Variants in HKDC1 observed in about 807,000 individuals in gnomAD.
The protein encoded by HKDC1 is hexokinase HKDC1.
Under a neutral mutation model 96.6 loss-of-function variants are expected in HKDC1, and 66 were observed. The ratio of observed to expected loss-of-function variants is 0.68; its 90% CI spans 0.56 to 0.84. The LOEUF (loss-of-function observed/expected upper bound fraction) is 0.84, where lower values mean the gene tolerates loss of function less well. Ranked by LOEUF, HKDC1 falls within the 40% of genes least tolerant of loss-of-function variation. The pLI is 0.00. For synonymous variants in HKDC1, 466 were observed against 473.1 expected, an observed-to-expected ratio of 0.98 and a Z score of 0.20; for missense variants, 1,211 against 1,208.1, an observed-to-expected ratio of 1.00 and a Z score of -0.04.
Position 69,248,578 on chromosome 10 carries a change from C to T in HKDC1, c.1420C>T (p.Leu474=). The change falls in exon 10 of 18, where the codon CTG becomes TTG. Residue 474 remains leucine (L), a synonymous_variant. Transcript: ENST00000354624. ...QAQRKQIDRV[L]ALFQLTREQL... ...CCAGCGGAAGCAGATCGACAGGGTG[C>T]TGGCTTTGTTCCAGCTGACCCGAGA... 1 of 1,614,128 alleles carries T rather than the reference C, an allele frequency of 6.2e-7. No homozygotes were observed. The highest frequency in any genetic ancestry group is 8.5e-7 in the Non-Finnish European group (1 of 1,180,030).
At chr10:69,243,147 C>T in intron 6 of HKDC1, 35 bp from the exon 7 acceptor site, 1 of 1,609,114 alleles carries the variant, frequency 6.2e-7, no homozygotes, top group Admixed American at 1.7e-5. Context: ...GCTGGGAGTC[C>T]TCTCTCTGCA....
At position 69,246,230 on chromosome 10, in the gene HKDC1, G is replaced by A. The variant is rs1843539754; in HGVS notation, c.1027G>A (p.Glu343Lys). Residue 343 changes from glutamate to lysine, a missense_variant, in exon 8 of 18, where the codon GAG becomes AAG. Physicochemically the swap from Glu to Lys is moderately conservative, Grantham distance 56. Coordinates refer to ENST00000354624, the MANE Select transcript of HKDC1 (RefSeq NM_025130.4). ...KIETRHVAAM[E>K]KYKEGLANTR... ...CGAAACACGGCACGTGGCTGCCATGGAGAAGTAAGCAAGTCCCTCTGCCTT... is the reference window on the plus strand; with the variant it reads ...CGAAACACGGCACGTGGCTGCCATGAAGAAGTAAGCAAGTCCCTCTGCCTT... 6.2e-7 allele frequency: 1 copy of A among 1,613,562 alleles called. No individual in the cohort carries two copies. The highest frequency in any genetic ancestry group is 8.5e-7 in the Non-Finnish European group (1 of 1,179,958).
chr10:69,233,897 C>CA (rs1442651608), intron 4 of HKDC1, among the ~76,000 whole-genome samples: 10 of 61,460 alleles, frequency 1.6e-4, no homozygotes, highest in Admixed American at 7.0e-4. Context: ...GACTCCGTCT[C>CA]AAAAAAAAAA....
intron 4 of HKDC1, among the ~76,000 whole-genome samples, chr10:69,234,280 T>C (rs2132342145): frequency 6.6e-6 from 1 of 152,316 alleles, no homozygotes; most frequent in East Asian, 1.9e-4. Context: ...CACTTATTGG[T>C]GTGGAATAGT....
chr10:69,250,685 C>A (rs1234324075), intron 12 of HKDC1, 33 bp downstream of exon 12: 26 of 1,609,532 alleles, frequency 1.6e-5, no homozygotes, highest in Non-Finnish European at 2.1e-5. Context: ...ACGGCCAGCC[C>A]AGTGGGCTTC....
chr10:69,264,298 T>C (rs958164433), intron 16 of HKDC1, among the ~76,000 whole-genome samples: 2 of 150,896 alleles, frequency 1.3e-5, no homozygotes, highest in Admixed American at 6.6e-5. Flanking sequence ...CATCATACAG[T>C]GCATAGTATT....
rs946922453 is a variant in HKDC1, at chr10:69,246,044, G to C, written c.876-35G>C. 3.1e-6 allele frequency: 5 copies of C among 1,606,472 alleles called. No homozygotes were observed. The African/African-American group carries it at 6.7e-5, about 21-fold the overall frequency. On this transcript the variant is annotated intron_variant, in intron 7 of 17. Transcript: ENST00000354624. ...GGGAAATGATGCAGCTTAATCAAAGGGGCTGCGTCCACAGATCTGTTCACC... is the reference window on the plus strand; with the variant it reads ...GGGAAATGATGCAGCTTAATCAAAGCGGCTGCGTCCACAGATCTGTTCACC...
In HKDC1 at chr10:69,246,198, G is replaced by A. The variant is rs1447178533; in HGVS notation, c.995G>A (p.Gly332Asp). 6.2e-7 allele frequency: 1 copy of A among 1,614,074 alleles called. No homozygotes were observed. The highest frequency in any genetic ancestry group is 8.5e-7 in the Non-Finnish European group (1 of 1,180,048). ...GEKSSALHTK[G>D]KIETRHVAAM... ...AAATCTTCTGCTCTCCACACTAAGG[G>A]CAAGATCGAAACACGGCACGTGGCT... The change falls in exon 8 of 18, where the codon GGC (glycine) becomes GAC (aspartate). Residue 332 changes from glycine (G) to aspartate (D), a missense_variant. Physicochemically the swap from Gly to Asp is moderately conservative, Grantham distance 94 (BLOSUM62 -1). Transcript: ENST00000354624.
chr10:69,265,589 C>G lies in HKDC1; in HGVS notation c.2377C>G (p.Arg793Gly), dbSNP rs140614647. The change falls in exon 17 of 18, where the codon CGG becomes GGG. Residue 793 changes from arginine (R) to glycine (G), a missense_variant. Arg to Gly is a moderately radical substitution (Grantham distance 125). Coordinates refer to ENST00000354624, the MANE Select transcript of HKDC1 (RefSeq NM_025130.4). Reference sequence around the variant, plus strand: ...TCCCTGCTCTATTGCCTGCAGCGATCGGCTGGCCCTTCTCCAGGTCAGGAG... The same window carrying G: ...TCCCTGCTCTATTGCCTGCAGCGATGGGCTGGCCCTTCTCCAGGTCAGGAG... ...TKFLSQIESDRLALLQVRRIL... is the reference protein window; with the variant it reads ...TKFLSQIESDGLALLQVRRIL... The G allele has an allele frequency of 3.7e-6, 6 of 1,613,336 alleles. No individual in the cohort carries two copies. Among genetic ancestry groups the G allele is most frequent in the Non-Finnish European group, 5.1e-6 (6 of 1,179,806 alleles).
intron 12 of HKDC1, among the ~76,000 whole-genome samples, chr10:69,251,885 G>GAGT (rs1288928304): frequency 6.6e-6 from 1 of 151,080 alleles, no homozygotes; most frequent in Non-Finnish European, 1.5e-5. Flanking sequence ...TCAGTCTCCC[G>GAGT]AGTAGCTTGG....
intron 2 of HKDC1, 40 bp from the exon 3 acceptor site, chr10:69,232,724 A>C: frequency 1.3e-6 from 2 of 1,590,320 alleles, no homozygotes; most frequent in South Asian, 2.2e-5. Flanking sequence ...TATCTGTAGT[A>C]GACCCTCAAT....
At chr10:69,239,187 C>T in intron 5 of HKDC1, 50 bp downstream of exon 5, 1 of 1,448,016 alleles carries the variant, frequency 6.9e-7, no homozygotes. Flanking sequence ...TAGCTCCTTT[C>T]TCTTGGGTTG....
intron 7 of HKDC1, among the ~76,000 whole-genome samples, chr10:69,243,980 C>A (rs756920564): frequency 2.0e-5 from 3 of 152,026 alleles, no homozygotes; most frequent in Non-Finnish European, 4.4e-5. Flanking sequence ...AGCACTCGGA[C>A]GCTTGGCCGC....
chr10:69,256,225 C>T (rs1219184250), intron 12 of HKDC1, among the ~76,000 whole-genome samples: 4 of 152,230 alleles, frequency 2.6e-5, no homozygotes, highest in African/African-American at 9.6e-5. Context: ...CTTTCTCTCA[C>T]ATCAAATGTT....
At chr10:69,237,644 C>T (rs193237943) in intron 4 of HKDC1, among the ~76,000 whole-genome samples, 1 of 152,330 alleles carries the variant, frequency 6.6e-6, no homozygotes, top group African/African-American at 2.4e-5. Context: ...CATCCACCTT[C>T]CCTGCAACAG....
chr10:69,233,897 C>CCAAAAAAAAA (rs1843318753), intron 4 of HKDC1, among the ~76,000 whole-genome samples: 1 of 61,488 alleles, frequency 1.6e-5, no homozygotes, highest in East Asian at 5.7e-4. Flanking sequence ...GACTCCGTCT[C>CCAAAAAAAAA]AAAAAAAAAA....
At chr10:69,251,845 T>C (rs1316520945) in intron 12 of HKDC1, among the ~76,000 whole-genome samples, 1 of 151,774 alleles carries the variant, frequency 6.6e-6, no homozygotes, top group Non-Finnish European at 1.5e-5. Flanking sequence ...CTGCAACCTC[T>C]GCCTCCCGGG....
At chr10:69,233,416 G>C (rs1242730895) in intron 4 of HKDC1, among the ~76,000 whole-genome samples, 3 of 152,156 alleles carry the variant, frequency 2.0e-5, no homozygotes. Flanking sequence ...TTTAAGCACA[G>C]ATTGCTGGGC....
chr10:69,227,624 T>C (rs1843182040), intron 2 of HKDC1, among the ~76,000 whole-genome samples: 1 of 152,168 alleles, frequency 6.6e-6, no homozygotes, highest in Non-Finnish European at 1.5e-5. Context: ...AGCATCTCCA[T>C]GTTCTTCCCT....
Sources: allele counts gnomAD v4.1 joint callset (sites outside exome capture counted in the v4.1 genomes callset), GRCh38; gene constraint gnomAD v4.1.1; transcripts MANE v1.5; gene names NCBI Gene and HGNC (gene_info 2026-07-23, HGNC 2026-07-21).